MAP4: variants seen among roughly 807,000 people sequenced by gnomAD.
The protein encoded by MAP4 is microtubule associated protein 4.
Under a neutral mutation model 170.2 loss-of-function variants are expected in MAP4, and 76 were observed. The ratio of observed to expected loss-of-function variants is 0.45; its 90% confidence interval spans 0.37 to 0.54. The LOEUF (loss-of-function observed/expected upper bound fraction) is 0.54. Ranked by LOEUF, MAP4 falls within the 20% of genes least tolerant of loss-of-function variation. The probability of loss-of-function intolerance (pLI) is 0.00; values close to 1 mark genes in which losing one functional copy is unlikely to be tolerated. For synonymous variants in MAP4, 909 were observed against 994.5 expected, an observed-to-expected ratio of 0.91 and a Z score of 1.62; for missense variants, 2,506 against 2,748.0, an observed-to-expected ratio of 0.91 and a Z score of 1.97.
intron 1 of MAP4, among the ~76,000 whole-genome samples, chr3:48,012,044 C>T (rs1319771804): frequency 1.3e-4 from 20 of 152,202 alleles, no homozygotes; most frequent in Admixed American, 1.1e-3. Flanking sequence ...CATGATTGAT[C>T]CCCATCCTTC....
At chr3:47,905,415 C>T (rs2100032379) in intron 9 of MAP4, among the ~76,000 whole-genome samples, 1 of 151,934 alleles carries the variant, frequency 6.6e-6, no homozygotes, top group Non-Finnish European at 1.5e-5. Flanking sequence ...AGACCAAATA[C>T]ATGCAGAAAT....
chr3:47,962,664 A>G (rs1380717725), intron 3 of MAP4, among the ~76,000 whole-genome samples: 1 of 152,232 alleles, frequency 6.6e-6, no homozygotes, highest in East Asian at 1.9e-4. Flanking sequence ...ATAAATCTAC[A>G]TAATAGGAAA....
At chr3:47,982,378 A>C (rs2100085893) in intron 2 of MAP4, among the ~76,000 whole-genome samples, 1 of 152,234 alleles carries the variant, frequency 6.6e-6, no homozygotes, top group African/African-American at 2.4e-5. Flanking sequence ...TGGAAATAAA[A>C]GTTCAAGGAC....
intron 1 of MAP4, among the ~76,000 whole-genome samples, chr3:48,051,019 A>C (rs1239507404): frequency 6.6e-6 from 1 of 152,042 alleles, no homozygotes; most frequent in Non-Finnish European, 1.5e-5. Context: ...GAATGAGGGA[A>C]GGGAACACAA....
intron 1 of MAP4, among the ~76,000 whole-genome samples, chr3:48,022,198 A>T (rs2100110894): frequency 6.6e-6 from 1 of 152,238 alleles, no homozygotes; most frequent in South Asian, 2.1e-4. Flanking sequence ...TGGCAGCCCT[A>T]AATGTGAACG....
At chr3:47,940,294 A>G (rs916566521) in intron 3 of MAP4, among the ~76,000 whole-genome samples, 1 of 152,176 alleles carries the variant, frequency 6.6e-6, no homozygotes, top group Non-Finnish European at 1.5e-5. Context: ...TCACTCCCAC[A>G]TCTTTATTCA....
chr3:47,885,299 CAAG>C (rs1370798047), intron 10 of MAP4, among the ~76,000 whole-genome samples: 1 of 151,946 alleles, frequency 6.6e-6, no homozygotes, highest in Non-Finnish European at 1.5e-5. Flanking sequence ...GGAGGTCAAG[CAAG>C]GAGGATCACT....
intron 1 of MAP4, among the ~76,000 whole-genome samples, chr3:48,065,861 G>A (rs754074981): frequency 6.6e-6 from 1 of 152,114 alleles, no homozygotes; most frequent in East Asian, 1.9e-4. Flanking sequence ...GCTCACACCT[G>A]TAATTCCAGC....
chr3:48,052,380 C>T (rs1408579392), intron 1 of MAP4, among the ~76,000 whole-genome samples: 1 of 152,132 alleles, frequency 6.6e-6, no homozygotes, highest in Non-Finnish European at 1.5e-5. Flanking sequence ...ACTATCACAC[C>T]CAGCTAACTT....
At chr3:47,857,794 C>T (rs1368644819) in intron 17 of MAP4, among the ~76,000 whole-genome samples, 2 of 151,936 alleles carry the variant, frequency 1.3e-5, no homozygotes, top group East Asian at 1.9e-4. Context: ...CTATAACCTC[C>T]GCCTCCTGGG....
chr3:47,951,089 A>G (rs1227551851), intron 3 of MAP4, among the ~76,000 whole-genome samples: 1 of 152,220 alleles, frequency 6.6e-6, no homozygotes, highest in Admixed American at 6.5e-5. Flanking sequence ...ACAACTTTAT[A>G]AACTGCTTTA....
chr3:47,897,644 C>T (rs899839675), intron 10 of MAP4, among the ~76,000 whole-genome samples: 2 of 151,936 alleles, frequency 1.3e-5, no homozygotes, highest in African/African-American at 4.8e-5. Flanking sequence ...ATCTTAAGAA[C>T]GGTCTTGTTT....
chr3:47,867,871 G>A (rs747562426), intron 16 of MAP4, among the ~76,000 whole-genome samples: 2 of 152,192 alleles, frequency 1.3e-5, no homozygotes, highest in Non-Finnish European at 2.9e-5. Flanking sequence ...ACAAGGGCAC[G>A]GATGATACTA....
Position 48,023,700 on chromosome 3 carries a change from A to C in MAP4, c.-19-24821T>G, listed in dbSNP as rs75608434. The stretch of plus-strand genomic sequence containing the variant: ...CCCTCTGAAGTTGGCTGTGTTCAAT[A>C]TTCTATTGTTTTTCTTATACAAGCA... On this transcript the variant is annotated intron_variant, in intron 1 of 18. Transcript: ENST00000360240. 9.2e-5 allele frequency among the ~76,000 whole-genome samples: 14 copies of C among 152,310 alleles called. No individual in the cohort carries two copies. The East Asian group carries it at 2.7e-3, about 29-fold the overall frequency.
chr3:47,952,446 A>G (rs2100064952), intron 3 of MAP4, among the ~76,000 whole-genome samples: 1 of 152,102 alleles, frequency 6.6e-6, no homozygotes, highest in African/African-American at 2.4e-5. Context: ...GGAATAGAAA[A>G]GGGGGAAAGG....
intron 1 of MAP4, among the ~76,000 whole-genome samples, chr3:48,063,404 T>TA (rs35033632): frequency 0.085 from 11,546 of 136,166 alleles, 509 homozygotes; most frequent in Non-Finnish European, 0.1. Context: ...ACCTGTGTCT[T>TA]AAAAAAAAAA....
At chr3:48,000,025 G>T (rs2154378480) in intron 1 of MAP4, among the ~76,000 whole-genome samples, 1 of 151,762 alleles carries the variant, frequency 6.6e-6, no homozygotes, top group East Asian at 1.9e-4. Flanking sequence ...GACCAGCCTG[G>T]CCAACATGGT....
chr3:47,921,698 C>G (rs1164358711), intron 5 of MAP4, 67 bp downstream of exon 5: 2 of 862,358 alleles, frequency 2.3e-6, no homozygotes, highest in African/African-American at 3.4e-5. Context: ...AGTCAGTGAA[C>G]CAAAGATGAG....
intron 1 of MAP4, among the ~76,000 whole-genome samples, chr3:48,087,743 G>GCGCACACACACGCA (rs59852055): frequency 1.5e-5 from 1 of 67,948 alleles, no homozygotes; most frequent in Non-Finnish European, 3.1e-5. Flanking sequence ...ACACACGCAC[G>GCGCACACACACGCA]CGCACACACA....
Sources: gnomAD v4.1 joint callset for allele counts (sites outside exome capture counted in the v4.1 genomes callset) on GRCh38, gnomAD v4.1.1 for gene constraint, MANE v1.5 for transcripts, NCBI Gene and HGNC (gene_info 2026-07-23, HGNC 2026-07-21) for gene names.